CCNT2: variants seen among roughly 807,000 people sequenced by gnomAD.
CCNT2 encodes cyclin T2, also known as cyclin-T2.
In CCNT2, 18 loss-of-function variants were observed where a neutral mutation model predicts 70.0. The ratio of observed to expected loss-of-function variants is 0.26; its 90% CI spans 0.18 to 0.38. The LOEUF is 0.38. Among genes scored for constraint, CCNT2 ranks in the 10% least tolerant of loss-of-function variants. CCNT2 has a pLI of 1.00. For synonymous variants in CCNT2, 334 were observed against 313.3 expected (o/e 1.07, Z -0.70); for missense variants, 734 against 890.2 (o/e 0.82, Z 2.23).
intron 2 of CCNT2, among the ~76,000 whole-genome samples, chr2:134,922,968 G>A (rs1177143503): frequency 1.3e-5 from 2 of 152,032 alleles, no homozygotes; most frequent in Admixed American, 1.3e-4. Context: ...AGAACTCCAT[G>A]TATAATATGC....
At chr2:134,927,939 C>T (rs750459240) in intron 2 of CCNT2, among the ~76,000 whole-genome samples, 2 of 152,030 alleles carry the variant, frequency 1.3e-5, no homozygotes, top group South Asian at 2.1e-4. Context: ...ATACATGTAA[C>T]GTGAATTTTT....
chr2:134,940,924 T>A (rs1187548922), intron 4 of CCNT2, among the ~76,000 whole-genome samples: 1 of 152,166 alleles, frequency 6.6e-6, no homozygotes, highest in African/African-American at 2.4e-5. Context: ...GATAAATGAA[T>A]CCAGTGTAAG....
At position 134,945,368 on chromosome 2, in the gene CCNT2, C is replaced by T. The variant is rs985529085; in HGVS notation, c.494-733C>T. ...AACAAGAGCATCCCTGTTGGGAAGACTAAGAGGCAGAATAAGGGGAGGGAA... is the reference window on the plus strand; with the variant it reads ...AACAAGAGCATCCCTGTTGGGAAGATTAAGAGGCAGAATAAGGGGAGGGAA... On this transcript the variant is annotated intron_variant, in intron 5 of 8. Coordinates refer to ENST00000264157, the MANE Select transcript of CCNT2 (RefSeq NM_058241.3). 3.0e-6 allele frequency: 3 copies of T among 985,220 alleles called. No individual in the cohort carries two copies. In the African/African-American group the frequency reaches 5.2e-5, roughly 17 times the overall value. The allele number at this position is 985,220 out of a possible 1,614,324, so 61.0% of individuals were successfully genotyped here.
intron 2 of CCNT2, among the ~76,000 whole-genome samples, chr2:134,922,012 G>T (rs985769332): frequency 2.0e-5 from 3 of 151,802 alleles, no homozygotes; most frequent in Non-Finnish European, 4.4e-5. Flanking sequence ...TTATATTTGT[G>T]TCAGTGCACT....
At position 134,954,750 on chromosome 2, in the gene CCNT2, C is replaced by T; in HGVS notation, c.*102C>T. 1 of 681,972 alleles carries T rather than the reference C, an allele frequency of 1.5e-6. No homozygotes were observed. Among genetic ancestry groups the T allele is most frequent in the South Asian group, 1.8e-5 (1 of 54,698 alleles). The allele number at this position is 681,972 out of a possible 1,614,324, so 42.2% of individuals were successfully genotyped here. A position where few individuals can be genotyped will look rare whatever the true frequency, so the allele number is the denominator to read the frequency against. On this transcript the variant is annotated 3_prime_UTR_variant, in exon 9 of 9. Coordinates refer to ENST00000264157, the MANE Select transcript of CCNT2 (RefSeq NM_058241.3). ...GCAGTGGTAACCCCTGCTGTTGCTG[C>T]CACTGCTTCAATATTTGTAAGTGCT...
At chr2:134,926,062 C>T (rs1680278287) in intron 2 of CCNT2, among the ~76,000 whole-genome samples, 2 of 151,796 alleles carry the variant, frequency 1.3e-5, no homozygotes, top group African/African-American at 4.8e-5. Flanking sequence ...ACAGGGGTCT[C>T]ACCATGTTGC....
intron 3 of CCNT2, among the ~76,000 whole-genome samples, chr2:134,937,866 A>T (rs1223239103): frequency 6.6e-6 from 1 of 152,192 alleles, no homozygotes; most frequent in Admixed American, 6.5e-5. Context: ...GTGAGCTGAG[A>T]TCGTGCCATT....
At chr2:134,945,709 T>A in intron 5 of CCNT2, 1 of 1,274,046 alleles carries the variant, frequency 7.8e-7, no homozygotes, top group Non-Finnish European at 1.0e-6. Context: ...GAGGATTAAG[T>A]CTGGCAGGCA....
At chr2:134,921,728 C>T (rs552092449) in intron 2 of CCNT2, among the ~76,000 whole-genome samples, 2 of 152,178 alleles carry the variant, frequency 1.3e-5, no homozygotes, top group East Asian at 1.9e-4. Flanking sequence ...ACAACAAATA[C>T]CCTGCTTAAA....
chr2:134,924,768 CACTT>C (rs756851313), intron 2 of CCNT2, among the ~76,000 whole-genome samples: 1 of 152,044 alleles, frequency 6.6e-6, no homozygotes, highest in Non-Finnish European at 1.5e-5. Context: ...TTACTCTAAT[CACTT>C]TCTTTATAGT....
Position 134,953,370 on chromosome 2 carries a change from T to G in CCNT2, c.915T>G (p.Ser305=). The G allele has an allele frequency of 6.2e-7, 1 of 1,602,402 alleles. No homozygotes were observed. The highest frequency in any genetic ancestry group is 8.5e-7 in the Non-Finnish European group (1 of 1,173,664). ...CAAACCCAAGTTTTCAGAAACCATC[T>G]ACATCAGCATTCCCTGCGCCAGTAC... is the stretch of plus-strand genomic sequence containing the variant. ...VPTNPSFQKP[S]TSAFPAPVPL... Residue 305 remains serine, a synonymous_variant, in exon 9 of 9, where the codon TCT becomes TCG. Transcript: ENST00000264157.
chr2:134,952,187 C>T (rs1461229532), intron 7 of CCNT2, among the ~76,000 whole-genome samples: 1 of 152,126 alleles, frequency 6.6e-6, no homozygotes, highest in Non-Finnish European at 1.5e-5. Flanking sequence ...GTGGTTTCTG[C>T]ACTTTAAAGT....
chr2:134,957,726 A>G lies in CCNT2; in HGVS notation c.*3078A>G, dbSNP rs757698606. The G allele has an allele frequency of 6.6e-6, 1 of 152,210 alleles. No homozygotes were observed. Among genetic ancestry groups the G allele is most frequent in the Non-Finnish European group, 1.5e-5 (1 of 68,032 alleles). The allele number at this position is 152,210 out of a possible 1,614,324, so 9.4% of individuals were successfully genotyped here. ...AAGTCCTGTTGTCAGCCCTAGGTTT[A>G]TCTTTGAAAGCAGTTAAATGTGCAC... is the stretch of plus-strand genomic sequence containing the variant. On this transcript the variant is annotated 3_prime_UTR_variant, in exon 9 of 9. Transcript: ENST00000264157.
chr2:134,944,800 C>T (rs1681830424), intron 5 of CCNT2: 1 of 985,300 alleles, frequency 1.0e-6, no homozygotes, highest in Non-Finnish European at 1.2e-6. Flanking sequence ...CAGCATTTCC[C>T]CTCTATTCTC....
At position 134,958,702 on chromosome 2, in the gene CCNT2, A is replaced by G. The variant is rs1243332968; in HGVS notation, c.*4054A>G. On this transcript the variant is annotated 3_prime_UTR_variant, in exon 9 of 9. Transcript: ENST00000264157. Reference sequence around the variant, plus strand: ...GTTTCCCTGGAGCATCTATTTTTGTAATACATTTTGCCAGTGGGACTGAAA... The same window carrying G: ...GTTTCCCTGGAGCATCTATTTTTGTGATACATTTTGCCAGTGGGACTGAAA... 2 of 152,210 alleles carry G rather than the reference A, an allele frequency of 1.3e-5. No homozygotes were observed. The highest frequency in any genetic ancestry group is 2.9e-5 in the Non-Finnish European group (2 of 68,026). 9.4% of individuals were successfully genotyped at this position (152,210 alleles called of 1,614,324 possible).
chr2:134,945,230 A>G (rs1230420150), intron 5 of CCNT2: 3 of 985,294 alleles, frequency 3.0e-6, no homozygotes, highest in Non-Finnish European at 2.4e-6. Flanking sequence ...GGGGAGGGGG[A>G]AAGAAATTTG....
At position 134,948,343 on chromosome 2, in the gene CCNT2, AAAAT is replaced by A. The variant is rs202096045; in HGVS notation, c.703+451_703+454del. Among the ~76,000 whole-genome samples the A allele has an allele frequency of 1.8e-3, 259 of 143,340 alleles. 1 individual carries two copies. Among genetic ancestry groups the A allele is most frequent in the African/African-American group, 6.2e-3 (249 of 40,174 alleles). 94.0% of individuals were successfully genotyped at this position (143,340 alleles called of 152,430 possible). A position where few individuals can be genotyped will look rare whatever the true frequency, so the allele number is the denominator to read the frequency against. ...TATCTAAAGCTTTTTCAGGACTTAA[AAAAT>A]AAATAAGTAAGGTTTAGAATTCCAT... On this transcript the variant is annotated intron_variant, in intron 7 of 8. Coordinates refer to ENST00000264157, the MANE Select transcript of CCNT2 (RefSeq NM_058241.3).
chr2:134,953,085 G>A lies in CCNT2; in HGVS notation c.775-145G>A, dbSNP rs1682647148. 5.5e-5 allele frequency: 32 copies of A among 585,914 alleles called. No homozygotes were observed. In the South Asian group the frequency reaches 8.9e-4, roughly 16 times the overall value. The allele number at this position is 585,914 out of a possible 1,614,324, so 36.3% of individuals were successfully genotyped here. On this transcript the variant is annotated intron_variant, in intron 8 of 8. Transcript: ENST00000264157. ...TATGCCTCTAAGGCATTTATTTACTGACAACATAAAATCTTGAACCCCAGG... is the reference window on the plus strand; with the variant it reads ...TATGCCTCTAAGGCATTTATTTACTAACAACATAAAATCTTGAACCCCAGG...
chr2:134,918,898 G>A lies in CCNT2; in HGVS notation c.44G>A (p.Arg15Gln). The part of the protein sequence containing the change: ...RGASSRWFFT[R>Q]EQLENTPSRR... Reference sequence around the variant, plus strand: ...GCTTCTTCTCGCTGGTTCTTTACTCGGGAACAGCTGGAGAACACGCCGAGC... The same window carrying A: ...GCTTCTTCTCGCTGGTTCTTTACTCAGGAACAGCTGGAGAACACGCCGAGC... The change falls in exon 1 of 9, where the codon CGG becomes CAG. Residue 15 changes from arginine to glutamine, a missense_variant. Physicochemically the swap from Arg to Gln is conservative, Grantham distance 43. Transcript: ENST00000264157. 5 of 1,613,978 alleles carry A rather than the reference G, an allele frequency of 3.1e-6. No individual in the cohort carries two copies. Among genetic ancestry groups the A allele is most frequent in the Non-Finnish European group, 4.2e-6 (5 of 1,179,900 alleles).
Sources: allele counts gnomAD v4.1 joint callset (sites outside exome capture counted in the v4.1 genomes callset), GRCh38; gene constraint gnomAD v4.1.1; transcripts MANE v1.5; gene names NCBI Gene and HGNC (gene_info 2026-07-23, HGNC 2026-07-21).